Variants in KCNMB2 observed in about 807,000 individuals in gnomAD.
KCNMB2 encodes the protein calcium-activated potassium channel subunit beta-2.
KCNMB2 carries 9 observed loss-of-function variants against 24.5 expected under a neutral mutation model. The ratio of observed to expected loss-of-function variants is 0.37; its 90% CI spans 0.22 to 0.64. The LOEUF is 0.64. KCNMB2 is among the 30% of genes least tolerant of loss of function. The pLI is 0.63. For missense variants in KCNMB2, 226 were observed against 284.3 expected (o/e 0.79, Z 1.47); for synonymous variants, 109 against 104.4 (o/e 1.04, Z -0.27).
rs1270245329 is a variant in KCNMB2, at chr3:178,628,219, C to T, written c.-68+91508C>T. Among the ~76,000 whole-genome samples the T allele has an allele frequency of 3.3e-5, 5 of 152,278 alleles. No homozygotes were observed. The East Asian group carries it at 9.7e-4, about 29-fold the overall frequency. ...AACATCCATCTTCCTTAACACTCCT[C>T]TCTAGGATTCTGCTTCAATGCTAAA... On this transcript the variant is annotated intron_variant, in intron 1 of 4. Coordinates refer to ENST00000452583, the MANE Select transcript of KCNMB2 (RefSeq NM_181361.3).
chr3:178,597,307 C>A (rs974283293), intron 1 of KCNMB2, among the ~76,000 whole-genome samples: 1 of 152,114 alleles, frequency 6.6e-6, no homozygotes, highest in Admixed American at 6.6e-5. Flanking sequence ...TACAAAGATA[C>A]ACAATGTACA....
intron 1 of KCNMB2, chr3:178,537,426 G>A (rs1385913557): frequency 6.6e-6 from 1 of 152,094 alleles, no homozygotes; most frequent in African/African-American, 2.4e-5. Context: ...TTAGTTAGAG[G>A]TTATGGACTT....
At chr3:178,758,533 TATATATATATATATATATCCAAGAGGAG>T (rs1724323049) in intron 1 of KCNMB2, among the ~76,000 whole-genome samples, 2 of 46,032 alleles carry the variant, frequency 4.3e-5, no homozygotes, top group Non-Finnish European at 8.4e-5. Context: ...GATGTATATA[TATATATATATATATATATCCAAGAGGAG>T]ATATATATAT....
At chr3:178,676,390 A>G (rs934424755) in intron 1 of KCNMB2, among the ~76,000 whole-genome samples, 4 of 152,156 alleles carry the variant, frequency 2.6e-5, no homozygotes, top group African/African-American at 9.7e-5. Flanking sequence ...ACAGATGGAG[A>G]GGGACAGTGC....
chr3:178,772,455 A>G (rs1237902205), intron 1 of KCNMB2, among the ~76,000 whole-genome samples: 1 of 152,186 alleles, frequency 6.6e-6, no homozygotes, highest in Non-Finnish European at 1.5e-5. Flanking sequence ...AAGATCTGAC[A>G]GTTTTAAAAA....
intron 1 of KCNMB2, among the ~76,000 whole-genome samples, chr3:178,547,418 T>C (rs1265580264): frequency 6.6e-6 from 1 of 152,206 alleles, no homozygotes; most frequent in Non-Finnish European, 1.5e-5. Context: ...GATAACGCTA[T>C]ATTTCTGGTT....
intron 1 of KCNMB2, among the ~76,000 whole-genome samples, chr3:178,716,775 G>A (rs920400239): frequency 6.6e-6 from 1 of 152,086 alleles, no homozygotes; most frequent in African/African-American, 2.4e-5. Context: ...AGAATCTCAG[G>A]GACAGGTTTT....
intron 1 of KCNMB2, among the ~76,000 whole-genome samples, chr3:178,787,021 T>C (rs904266757): frequency 6.6e-6 from 1 of 152,102 alleles, no homozygotes; most frequent in African/African-American, 2.4e-5. Flanking sequence ...ATGTTACATA[T>C]AAGGAATAGG....
Position 178,572,916 on chromosome 3 carries a change from G to A in KCNMB2, c.-68+36205G>A, listed in dbSNP as rs115690855. Among the ~76,000 whole-genome samples, 605 of 152,326 alleles carry A rather than the reference G, an allele frequency of 4.0e-3. 1 individual carries two copies. Among genetic ancestry groups the A allele is most frequent in the African/African-American group, 0.014 (564 of 41,572 alleles). On this transcript the variant is annotated intron_variant, in intron 1 of 4. Coordinates refer to ENST00000452583, the MANE Select transcript of KCNMB2 (RefSeq NM_181361.3). ...AATGTTATAACTGGACACGTTTTAA[G>A]TAGGTTTTTTCATTTATTTACGAAT... is the stretch of plus-strand genomic sequence containing the variant.
In KCNMB2 at chr3:178,818,258, A is replaced by ATTTG. The variant is rs574098322; in HGVS notation, c.57-7311_57-7308dup. ...ACAAATGATGCCCAGATCTAAATCT[A>ATTTG]TTTGTTTGTTTGTTTGTTTGTTCTT... On this transcript the variant is annotated intron_variant, in intron 2 of 4. Transcript: ENST00000452583. Among the ~76,000 whole-genome samples the ATTTG allele has an allele frequency of 9.9e-5, 15 of 152,124 alleles. No homozygotes were observed. The South Asian group carries it at 2.3e-3, about 23-fold the overall frequency.
intron 1 of KCNMB2, among the ~76,000 whole-genome samples, chr3:178,711,977 G>A (rs945619441): frequency 6.6e-5 from 10 of 152,150 alleles, no homozygotes; most frequent in Non-Finnish European, 2.9e-5. Context: ...ACAAATGTTG[G>A]CTCCCTCAGT....
At chr3:178,729,577 T>A (rs1362971631) in intron 1 of KCNMB2, among the ~76,000 whole-genome samples, 2 of 152,228 alleles carry the variant, frequency 1.3e-5, no homozygotes, top group African/African-American at 4.8e-5. Context: ...AGTCTGGTGC[T>A]GGGGCGAAGT....
At chr3:178,713,029 A>G (rs1302208321) in intron 1 of KCNMB2, among the ~76,000 whole-genome samples, 3 of 152,182 alleles carry the variant, frequency 2.0e-5, no homozygotes, top group Admixed American at 6.5e-5. Flanking sequence ...CTTGCTACAT[A>G]TACATACACA....
chr3:178,705,350 A>G (rs1722242686), intron 1 of KCNMB2, among the ~76,000 whole-genome samples: 1 of 152,210 alleles, frequency 6.6e-6, no homozygotes, highest in East Asian at 1.9e-4. Flanking sequence ...CCATGCTGCC[A>G]CTGTGCAGCA....
chr3:178,553,052 A>G (rs1032575166), intron 1 of KCNMB2, among the ~76,000 whole-genome samples: 8 of 152,254 alleles, frequency 5.3e-5, no homozygotes, highest in African/African-American at 1.4e-4. Context: ...GCTTGTCAAC[A>G]TGCTTCCTCT....
At chr3:178,543,066 G>T (rs1431484807) in intron 1 of KCNMB2, among the ~76,000 whole-genome samples, 3 of 152,050 alleles carry the variant, frequency 2.0e-5, no homozygotes, top group African/African-American at 7.2e-5. Flanking sequence ...AACTTTAATT[G>T]CATGTATTAT....
intron 1 of KCNMB2, among the ~76,000 whole-genome samples, chr3:178,736,020 A>G (rs1723304448): frequency 6.6e-6 from 1 of 152,142 alleles, no homozygotes. Context: ...GGCACATTTC[A>G]CACATCTTTT....
intron 1 of KCNMB2, among the ~76,000 whole-genome samples, chr3:178,726,332 GA>G (rs1722967173): frequency 6.6e-6 from 1 of 151,728 alleles, no homozygotes; most frequent in Non-Finnish European, 1.5e-5. Context: ...AAGAATTCAA[GA>G]GGAAAAAAAT....
In KCNMB2 at chr3:178,685,810, A is replaced by C. The variant is rs193285622; in HGVS notation, c.-67-121533A>C. On this transcript the variant is annotated intron_variant, in intron 1 of 4. Transcript: ENST00000452583. ...ATTGATAGATAGAAACCAGAAGAAA[A>C]CCCAATAAAATATTTAATAGTTCAG... Among the ~76,000 whole-genome samples, 344 of 152,250 alleles carry C rather than the reference A, an allele frequency of 2.3e-3. 1 individual carries two copies. The highest frequency in any genetic ancestry group is 7.8e-3 in the African/African-American group (325 of 41,546).
Sources: gnomAD v4.1 joint callset for allele counts (sites outside exome capture counted in the v4.1 genomes callset) on GRCh38, gnomAD v4.1.1 for gene constraint, MANE v1.5 for transcripts, NCBI Gene and HGNC (gene_info 2026-07-23, HGNC 2026-07-21) for gene names.